Variants in MVB12B observed in about 807,000 individuals in gnomAD.
The protein encoded by MVB12B is multivesicular body subunit 12B.
A neutral mutation model predicts 41.6 loss-of-function variants in MVB12B; 16 were observed. The ratio of observed to expected loss-of-function variants is 0.38; its 90% CI spans 0.26 to 0.58. The LOEUF is 0.58. MVB12B is among the 20% of genes least tolerant of loss of function. The pLI is 0.62. For synonymous variants in MVB12B, 133 were observed against 139.7 expected (o/e 0.95, Z 0.34); for missense variants, 274 against 380.2 (o/e 0.72, Z 2.32).
At chr9:126,501,039 CG>C (rs1833944691) in intron 9 of MVB12B, among the ~76,000 whole-genome samples, 1 of 152,240 alleles carries the variant, frequency 6.6e-6, no homozygotes, top group African/African-American at 2.4e-5. Flanking sequence ...TGTTCCCTGC[CG>C]TGCATGTGCC....
At chr9:126,379,782 C>T (rs1830584494) in intron 2 of MVB12B, among the ~76,000 whole-genome samples, 1 of 152,206 alleles carries the variant, frequency 6.6e-6, no homozygotes, top group African/African-American at 2.4e-5. Context: ...CCTGAGCCCA[C>T]TGGGCTGGGG....
intron 7 of MVB12B, among the ~76,000 whole-genome samples, chr9:126,451,941 C>A (rs938875322): frequency 1.3e-5 from 2 of 152,132 alleles, no homozygotes; most frequent in African/African-American, 4.8e-5. Context: ...ATTGAGGACA[C>A]CTGGAATGCC....
chr9:126,419,771 C>T (rs759896340), intron 6 of MVB12B, among the ~76,000 whole-genome samples: 14 of 152,134 alleles, frequency 9.2e-5, no homozygotes, highest in East Asian at 3.9e-4. Flanking sequence ...TCAGATTCAC[C>T]GCTGGAGCTT....
chr9:126,360,825 A>T (rs1830010724), intron 2 of MVB12B, among the ~76,000 whole-genome samples: 2 of 152,220 alleles, frequency 1.3e-5, no homozygotes, highest in Admixed American at 6.5e-5. Context: ...ATCATTATTA[A>T]GTGACCCTCT....
Position 126,505,654 on chromosome 9 carries a change from CTGTGTGTGTGTGTGTGTGTGTGTGTATA to C in MVB12B, c.*2404_*2431del, listed in dbSNP as rs1421868807. The C allele has an allele frequency of 7.1e-6, 1 of 140,666 alleles. No individual in the cohort carries two copies. The highest frequency in any genetic ancestry group is 1.6e-5 in the Non-Finnish European group (1 of 64,132). The allele number at this position is 140,666 out of a possible 1,614,324, so 8.7% of individuals were successfully genotyped here. On this transcript the variant is annotated 3_prime_UTR_variant, in exon 10 of 10. Coordinates refer to ENST00000361171, the MANE Select transcript of MVB12B (RefSeq NM_033446.3). The stretch of plus-strand genomic sequence containing the variant: ...GAGGTGGGTGAGGACAAGCATGTGC[CTGTGTGTGTGTGTGTGTGTGTGTGTATA>C]TGTGTGTGTGTGCACGCACATGCGT...
chr9:126,408,941 A>G (rs1258967949), intron 6 of MVB12B, among the ~76,000 whole-genome samples: 1 of 152,086 alleles, frequency 6.6e-6, no homozygotes, highest in Non-Finnish European at 1.5e-5. Context: ...TCCCCTCCCC[A>G]AGGACACCTG....
intron 7 of MVB12B, among the ~76,000 whole-genome samples, chr9:126,437,627 T>C (rs1832518373): frequency 6.6e-6 from 1 of 152,252 alleles, no homozygotes; most frequent in African/African-American, 2.4e-5. Context: ...AATTTGCATA[T>C]ATTAATCTCT....
intron 2 of MVB12B, among the ~76,000 whole-genome samples, chr9:126,353,592 C>T (rs1186622217): frequency 6.6e-6 from 1 of 152,142 alleles, no homozygotes; most frequent in Non-Finnish European, 1.5e-5. Flanking sequence ...CTGGCAGTAG[C>T]GTGAGTGTTG....
chr9:126,452,771 A>G (rs909987397), intron 7 of MVB12B, among the ~76,000 whole-genome samples: 3 of 151,954 alleles, frequency 2.0e-5, no homozygotes, highest in Admixed American at 2.0e-4. Context: ...AGTAATTGGG[A>G]TGTCTTAGGA....
At chr9:126,375,363 CTTTTTTTTTT>C (rs35585049) in intron 2 of MVB12B, among the ~76,000 whole-genome samples, 2 of 105,194 alleles carry the variant, frequency 1.9e-5, no homozygotes, top group African/African-American at 3.8e-5. Context: ...TAAATTGATT[CTTTTTTTTTT>C]TTTTTTTTTG....
At chr9:126,426,111 T>G (rs1832169335) in intron 7 of MVB12B, among the ~76,000 whole-genome samples, 1 of 152,234 alleles carries the variant, frequency 6.6e-6, no homozygotes, top group African/African-American at 2.4e-5. Flanking sequence ...CCATAGCTGC[T>G]TCACGTTCCA....
intron 9 of MVB12B, among the ~76,000 whole-genome samples, chr9:126,488,565 G>A (rs1833670093): frequency 6.6e-6 from 1 of 152,128 alleles, no homozygotes; most frequent in Non-Finnish European, 1.5e-5. Context: ...GGGAGGAAGG[G>A]GGGTCCACCC....
chr9:126,413,541 C>G lies in MVB12B; in HGVS notation c.663-8313C>G, dbSNP rs1049287847. Among the ~76,000 whole-genome samples, 5 of 152,144 alleles carry G rather than the reference C, an allele frequency of 3.3e-5. No individual in the cohort carries two copies. In the East Asian group the frequency reaches 9.6e-4, roughly 29 times the overall value. On this transcript the variant is annotated intron_variant, in intron 6 of 9. Transcript: ENST00000361171. ...TGCTGGTCCTTTTGTCGCATTACTT[C>G]CCCTTTCTTAAGTATTAAATTTGAA... is the stretch of plus-strand genomic sequence containing the variant.
In MVB12B at chr9:126,340,447, A is replaced by G; in HGVS notation, c.82-61A>G. ...AGATTCTGGTTCTGTTTGAGACTTT[A>G]TATTATTCACATAAATGCTATGTTT... On this transcript the variant is annotated intron_variant, in intron 1 of 9. Transcript: ENST00000361171. This position sits in a 1 kb window ranked among gnomAD's most constrained non-coding sequence, Gnocchi z 4.0. 2.5e-6 allele frequency: 4 copies of G among 1,595,882 alleles called. No homozygotes were observed. The highest frequency in any genetic ancestry group is 4.5e-5 in the East Asian group (2 of 44,404).
At chr9:126,372,272 A>G (rs1459174576) in intron 2 of MVB12B, among the ~76,000 whole-genome samples, 1 of 152,178 alleles carries the variant, frequency 6.6e-6, no homozygotes, top group Non-Finnish European at 1.5e-5. Context: ...CATTTTTATC[A>G]GTTGATGAAT....
chr9:126,483,975 G>A lies in MVB12B; in HGVS notation c.816G>A (p.Met272Ile). ...GGCAACTTCATCTGTGTTTTCAGAT[G>A]CAGCCCTTTGATCTCCTGGGAATCA... ...SEKFSCVPES[M>I]QPFDLLGITI... Residue 272 changes from methionine (M) to isoleucine (I), a missense_variant and splice_region_variant, in exon 9 of 10, where the codon ATG becomes ATA. Physicochemically the swap from Met to Ile is conservative, Grantham distance 10 (BLOSUM62 1). Coordinates refer to ENST00000361171, the MANE Select transcript of MVB12B (RefSeq NM_033446.3). 6.2e-7 allele frequency: 1 copy of A among 1,614,112 alleles called. No homozygotes were observed. Among genetic ancestry groups the A allele is most frequent in the Non-Finnish European group, 8.5e-7 (1 of 1,180,008 alleles).
At chr9:126,328,617 T>G (rs1011684333) in intron 1 of MVB12B, among the ~76,000 whole-genome samples, 1 of 152,180 alleles carries the variant, frequency 6.6e-6, no homozygotes, top group Non-Finnish European at 1.5e-5. Context: ...CTCATGGGAT[T>G]ATGGCGTGAT....
intron 7 of MVB12B, among the ~76,000 whole-genome samples, chr9:126,471,369 G>A (rs149342794): frequency 2.2e-4 from 34 of 152,352 alleles, no homozygotes; most frequent in African/African-American, 5.8e-4. Context: ...GTCTGACTCC[G>A]GCGCCTGTGC....
intron 6 of MVB12B, among the ~76,000 whole-genome samples, chr9:126,411,211 A>C (rs1831638729): frequency 6.6e-6 from 1 of 152,190 alleles, no homozygotes; most frequent in Admixed American, 6.5e-5. Context: ...CCACTGTTTT[A>C]AAATTGAAGC....
Sources: allele counts gnomAD v4.1 joint callset (sites outside exome capture counted in the v4.1 genomes callset), GRCh38; gene constraint gnomAD v4.1.1; non-coding constraint Gnocchi (gnomAD v3.1); transcripts MANE v1.5; gene names NCBI Gene and HGNC (gene_info 2026-07-23, HGNC 2026-07-21).